Variants in RNF150 observed in about 807,000 individuals in gnomAD.
RNF150 encodes ring finger protein 150.
A neutral mutation model predicts 39.3 loss-of-function variants in RNF150; 24 were observed. The observed-to-expected ratio is 0.61, with a 90% CI of 0.44 to 0.86. The LOEUF is 0.86. RNF150 is among the 40% of genes least tolerant of loss of function. The pLI, the probability that RNF150 is intolerant of heterozygous loss-of-function variation, is 0.00. For synonymous variants in RNF150, 255 were observed against 227.3 expected, an observed-to-expected ratio of 1.12 and a Z score of -1.10; for missense variants, 502 against 587.8, an observed-to-expected ratio of 0.85 and a Z score of 1.51.
At chr4:141,125,728 A>G (rs545027619) in intron 1 of RNF150, among the ~76,000 whole-genome samples, 22 of 152,322 alleles carry the variant, frequency 1.4e-4, no homozygotes. Flanking sequence ...TGAGCTATAA[A>G]TAAGAAGCTC....
chr4:140,998,519 C>T (rs958353515), intron 1 of RNF150, among the ~76,000 whole-genome samples: 5 of 152,188 alleles, frequency 3.3e-5, no homozygotes, highest in African/African-American at 4.8e-5. Flanking sequence ...GTTTAGGCTA[C>T]CCAGACTGTG....
intron 1 of RNF150, among the ~76,000 whole-genome samples, chr4:141,040,167 C>T (rs375658635): frequency 1.3e-5 from 2 of 150,604 alleles, no homozygotes; most frequent in Non-Finnish European, 3.0e-5. Context: ...GGTAACACAA[C>T]CACACACACA....
chr4:140,978,388 T>C (rs1733742639), intron 1 of RNF150, among the ~76,000 whole-genome samples: 1 of 152,166 alleles, frequency 6.6e-6, no homozygotes, highest in Non-Finnish European at 1.5e-5. Flanking sequence ...CCAATTTTAT[T>C]TTCCTTAGAA....
chr4:141,085,487 C>T (rs1738328813), intron 1 of RNF150, among the ~76,000 whole-genome samples: 1 of 152,170 alleles, frequency 6.6e-6, no homozygotes, highest in Non-Finnish European at 1.5e-5. Flanking sequence ...CAGATGAGGT[C>T]TCTGTGGAGA....
chr4:141,044,278 G>A (rs1190678020), intron 1 of RNF150, among the ~76,000 whole-genome samples: 1 of 152,130 alleles, frequency 6.6e-6, no homozygotes, highest in Admixed American at 6.5e-5. Flanking sequence ...CAAGCAACAT[G>A]TATTGTCATG....
intron 1 of RNF150, among the ~76,000 whole-genome samples, chr4:141,077,850 G>A (rs1218354672): frequency 2.0e-5 from 3 of 152,250 alleles, no homozygotes; most frequent in Non-Finnish European, 4.4e-5. Context: ...GGAGGCCTAT[G>A]CCAGGGATGG....
intron 5 of RNF150, among the ~76,000 whole-genome samples, chr4:140,917,408 G>T (rs1424082482): frequency 6.6e-6 from 1 of 152,064 alleles, no homozygotes; most frequent in Non-Finnish European, 1.5e-5. Flanking sequence ...TGATAAAACA[G>T]ACTTTAAACC....
intron 1 of RNF150, among the ~76,000 whole-genome samples, chr4:141,001,509 C>T (rs73858702): frequency 0.075 from 11,380 of 152,060 alleles, 472 homozygotes; most frequent in Middle Eastern, 0.16. Context: ...AATTGAATGA[C>T]AGGTGGTCTT....
chr4:140,948,731 C>T (rs1398223002), intron 3 of RNF150, among the ~76,000 whole-genome samples: 1 of 152,162 alleles, frequency 6.6e-6, no homozygotes, highest in Non-Finnish European at 1.5e-5. Context: ...TGAGCCACAC[C>T]ACCTATCAAC....
intron 1 of RNF150, among the ~76,000 whole-genome samples, chr4:141,115,523 C>A (rs1221121774): frequency 6.6e-6 from 1 of 152,144 alleles, no homozygotes; most frequent in African/African-American, 2.4e-5. Context: ...ACATTCCATG[C>A]TCATGGATAG....
chr4:141,185,418 G>A (rs1232859958), intron 1 of RNF150, among the ~76,000 whole-genome samples: 1 of 151,932 alleles, frequency 6.6e-6, no homozygotes, highest in Non-Finnish European at 1.5e-5. Context: ...ATCAGCTTAA[G>A]GAGACTTAGG....
intron 1 of RNF150, among the ~76,000 whole-genome samples, chr4:141,161,996 C>T (rs1727520334): frequency 6.6e-6 from 1 of 152,316 alleles, no homozygotes; most frequent in East Asian, 1.9e-4. Flanking sequence ...GGAGCCCCAA[C>T]ACAGAGTCCG....
At chr4:141,059,432 A>G (rs1737124066) in intron 1 of RNF150, among the ~76,000 whole-genome samples, 1 of 152,154 alleles carries the variant, frequency 6.6e-6, no homozygotes, top group African/African-American at 2.4e-5. Flanking sequence ...TTTGCTTTCA[A>G]CCATAAAGTC....
chr4:140,981,840 G>A (rs188712054), intron 1 of RNF150, among the ~76,000 whole-genome samples: 2 of 152,278 alleles, frequency 1.3e-5, no homozygotes, highest in East Asian at 3.9e-4. Flanking sequence ...TCTGCTCGAA[G>A]TCTTTTTAAA....
chr4:141,049,383 C>T (rs1251515482), intron 1 of RNF150, among the ~76,000 whole-genome samples: 1 of 151,122 alleles, frequency 6.6e-6, no homozygotes, highest in Non-Finnish European at 1.5e-5. Flanking sequence ...AAATTAATGT[C>T]AAAAAGCTTA....
At chr4:141,081,812 C>T (rs954682144) in intron 1 of RNF150, among the ~76,000 whole-genome samples, 7 of 152,300 alleles carry the variant, frequency 4.6e-5, no homozygotes, top group African/African-American at 1.7e-4. Flanking sequence ...ACTCTGATTC[C>T]TTCAACAGTG....
chr4:141,168,199 C>T (rs147704718), intron 1 of RNF150, among the ~76,000 whole-genome samples: 56,570 of 152,064 alleles, frequency 0.37, 12,863 homozygotes, highest in Non-Finnish European at 0.5. Context: ...AAAAAAAGCT[C>T]ATCATCACTG....
At chr4:141,076,018 T>C (rs1305765987) in intron 1 of RNF150, among the ~76,000 whole-genome samples, 1 of 152,240 alleles carries the variant, frequency 6.6e-6, no homozygotes, top group Non-Finnish European at 1.5e-5. Flanking sequence ...TAAGTGATCA[T>C]ACTATCCAGT....
At chr4:141,074,612 C>T (rs144283178) in intron 1 of RNF150, among the ~76,000 whole-genome samples, 1 of 152,188 alleles carries the variant, frequency 6.6e-6, no homozygotes, top group African/African-American at 2.4e-5. Flanking sequence ...TAGGACTGGT[C>T]TGTGGGATCT....
Sources: allele counts gnomAD v4.1 joint callset (sites outside exome capture counted in the v4.1 genomes callset), GRCh38; gene constraint gnomAD v4.1.1; transcripts MANE v1.5; gene names NCBI Gene and HGNC (gene_info 2026-07-23, HGNC 2026-07-21).